CDH26: variants seen among roughly 807,000 people sequenced by gnomAD.
The protein encoded by CDH26 is cadherin 26.
A neutral mutation model predicts 90.3 loss-of-function variants in CDH26; 83 were observed. That is an observed-to-expected ratio of 0.92 (90% CI 0.77 to 1.10). The LOEUF (loss-of-function observed/expected upper bound fraction) is 1.10, where lower values mean the gene tolerates loss of function less well. CDH26 is among the 50% of genes least tolerant of loss of function. The pLI, the probability that CDH26 is intolerant of heterozygous loss-of-function variation, is 0.00. For missense variants in CDH26, 1,013 were observed against 1,037.6 expected, an observed-to-expected ratio of 0.98 and a Z score of 0.33; for synonymous variants, 397 against 396.3, an observed-to-expected ratio of 1.00 and a Z score of -0.02.
At chr20:60,034,262 C>G (rs973126232), downstream of CDH26, among the ~76,000 whole-genome samples, 1 of 152,134 alleles carries the variant, frequency 6.6e-6, no homozygotes, top group Non-Finnish European at 1.5e-5. Context: ...CCACATTGTT[C>G]GAAGGGAAGG....
intron 4 of CDH26, among the ~76,000 whole-genome samples, chr20:59,982,680 A>G (rs537806164): frequency 1.3e-5 from 2 of 152,246 alleles, no homozygotes; most frequent in Non-Finnish European, 2.9e-5. Context: ...ATAATAACTG[A>G]TCATTTTTTT....
chr20:59,977,436 A>G (rs1311836239), intron 4 of CDH26, among the ~76,000 whole-genome samples: 1 of 152,126 alleles, frequency 6.6e-6, no homozygotes, highest in African/African-American at 2.4e-5. Context: ...TACTAGAGCA[A>G]TGAGAGATTC....
intron 17 of CDH26, among the ~76,000 whole-genome samples, chr20:60,008,966 G>A (rs2146018704): frequency 6.6e-6 from 1 of 152,312 alleles, no homozygotes; most frequent in East Asian, 1.9e-4. Flanking sequence ...CCCTTCCCCA[G>A]GTCCTGACTG....
At chr20:59,966,440 A>C (rs1297296332) in intron 1 of CDH26, among the ~76,000 whole-genome samples, 1 of 152,202 alleles carries the variant, frequency 6.6e-6, no homozygotes, top group African/African-American at 2.4e-5. Context: ...CTACTTCATG[A>C]GTTCTCAAGC....
intron 3 of CDH26, among the ~76,000 whole-genome samples, chr20:59,970,791 C>G (rs1445804643): frequency 6.6e-6 from 1 of 150,738 alleles, no homozygotes; most frequent in Non-Finnish European, 1.5e-5. Flanking sequence ...GCCTGGGCGA[C>G]AGCGAGACTC....
intron 8 of CDH26, among the ~76,000 whole-genome samples, chr20:60,033,176 CT>C (rs1385761020): frequency 1.3e-5 from 2 of 152,182 alleles, no homozygotes; most frequent in African/African-American, 4.8e-5. Flanking sequence ...GTATTCAACA[CT>C]TTGAGTCCTT....
At chr20:60,035,922 T>A (rs1206755804), downstream of CDH26, among the ~76,000 whole-genome samples, 1 of 151,982 alleles carries the variant, frequency 6.6e-6, no homozygotes, top group Non-Finnish European at 1.5e-5. Context: ...AAACCTCTTT[T>A]GTTTATAAAT....
At chr20:60,024,725 G>A (rs1262239894) in intron 7 of CDH26, among the ~76,000 whole-genome samples, 1 of 152,156 alleles carries the variant, frequency 6.6e-6, no homozygotes, top group Non-Finnish European at 1.5e-5. Flanking sequence ...GTGGACTGTA[G>A]CAGAAACTAC....
intron 14 of CDH26, among the ~76,000 whole-genome samples, chr20:60,000,515 C>A (rs568819688): frequency 6.6e-6 from 1 of 152,190 alleles, no homozygotes; most frequent in Non-Finnish European, 1.5e-5. Context: ...CTGGCGAGAG[C>A]CTTCTCTTTC....
At chr20:59,980,134 G>GT (rs1399728740) in intron 4 of CDH26, among the ~76,000 whole-genome samples, 1 of 152,076 alleles carries the variant, frequency 6.6e-6, no homozygotes, top group Non-Finnish European at 1.5e-5. Context: ...GTATTGTCAG[G>GT]TTTTTTCAGT....
In CDH26 at chr20:60,012,606, G is replaced by A. The variant is rs762888225; in HGVS notation, c.2375G>A (p.Gly792Glu). 3.1e-6 allele frequency: 5 copies of A among 1,614,152 alleles called. No individual in the cohort carries two copies. The highest frequency in any genetic ancestry group is 4.2e-6 in the Non-Finnish European group (5 of 1,180,028). The change falls in exon 18 of 18, where the codon GGG becomes GAG. Residue 792 changes from glycine to glutamate, a missense_variant. Transcript: ENST00000348616. ...HVYSEEGECG[G>E]APSLSSLASL... ...TACAGCGAGGAAGGGGAGTGTGGAG[G>A]GGCCCCATCCCTCAGCTCTCTGGCC...
chr20:59,962,619 A>G (rs1480984090), intron 1 of CDH26, among the ~76,000 whole-genome samples: 2 of 152,196 alleles, frequency 1.3e-5, no homozygotes, highest in South Asian at 2.1e-4. Flanking sequence ...GCCTATTTCC[A>G]AATAAGGTCC....
chr20:60,034,738 G>A (rs1026725175), downstream of CDH26, among the ~76,000 whole-genome samples: 16 of 152,328 alleles, frequency 1.1e-4, no homozygotes, highest in Non-Finnish European at 1.0e-4. Context: ...TGACATTGTC[G>A]GAGACTGGAG....
chr20:59,973,763 A>T (rs1018172359), intron 4 of CDH26, among the ~76,000 whole-genome samples: 1 of 152,228 alleles, frequency 6.6e-6, no homozygotes, highest in Non-Finnish European at 1.5e-5. Flanking sequence ...CATGGTGTAC[A>T]TGTACCATAT....
rs977404721 is a variant in CDH26, at chr20:59,994,330, C to T, written c.1507C>T (p.Arg503Cys). ...TGACAACGTCCCGACTCTCCGGCCACGTTCCCGCTACATGGAGGTCTGTGA... is the reference window on the plus strand; with the variant it reads ...TGACAACGTCCCGACTCTCCGGCCATGTTCCCGCTACATGGAGGTCTGTGA... ...INDNVPTLRP[R>C]SRYMEVCESA... Residue 503 changes from arginine to cysteine, a missense_variant, in exon 11 of 18, where the codon CGT becomes TGT. By Grantham distance (180) the Arg-to-Cys change is radical. Transcript: ENST00000348616. The T allele has an allele frequency of 6.2e-7, 1 of 1,613,996 alleles. No individual in the cohort carries two copies. The highest frequency in any genetic ancestry group is 1.3e-5 in the African/African-American group (1 of 74,968).
At chr20:59,990,756 T>C (rs1016530334) in intron 9 of CDH26, among the ~76,000 whole-genome samples, 17 of 152,210 alleles carry the variant, frequency 1.1e-4, no homozygotes, top group African/African-American at 3.4e-4. Flanking sequence ...GTGGTGCACC[T>C]TGAGTTAGCA....
rs3043440 is a variant in CDH26 at position 59,986,616 on chromosome 20, T to TACACACAC, written c.838-800_838-793dup. Among the ~76,000 whole-genome samples, 145 of 136,858 alleles carry TACACACAC rather than the reference T, an allele frequency of 1.1e-3. 1 individual carries two copies. Among genetic ancestry groups the TACACACAC allele is most frequent in the Admixed American group, 3.1e-3 (41 of 13,310 alleles). 89.8% of individuals were successfully genotyped at this position (136,858 alleles called of 152,430 possible). A position where few individuals can be genotyped will look rare whatever the true frequency, so the allele number is the denominator to read the frequency against. ...GTTTTATTTATTTTATAAATCCCCC[T>TACACACAC]ACACACACACACACACACACACACA... On this transcript the variant is annotated intron_variant, in intron 7 of 17. Coordinates refer to ENST00000348616, the MANE Select transcript of CDH26 (RefSeq NM_177980.4).
intron 1 of CDH26, among the ~76,000 whole-genome samples, chr20:59,962,590 A>G (rs1601075965): frequency 6.6e-6 from 1 of 152,362 alleles, no homozygotes; most frequent in East Asian, 1.9e-4. Context: ...AATTCAGTTA[A>G]GAATTACATC....
intron 14 of CDH26, among the ~76,000 whole-genome samples, chr20:60,000,120 C>T (rs1220623991): frequency 6.6e-6 from 1 of 152,166 alleles, no homozygotes; most frequent in East Asian, 1.9e-4. Flanking sequence ...AGAAGTAGGG[C>T]ACAATGACTG....
Sources: allele counts gnomAD v4.1 joint callset (sites outside exome capture counted in the v4.1 genomes callset), GRCh38; gene constraint gnomAD v4.1.1; transcripts MANE v1.5; gene names NCBI Gene and HGNC (gene_info 2026-07-23, HGNC 2026-07-21).